PCDH20: variants seen among roughly 807,000 people sequenced by gnomAD.
The protein encoded by PCDH20 is protocadherin-20.
Under a neutral mutation model 39.7 loss-of-function variants are expected in PCDH20, and 18 were observed. That is an observed-to-expected ratio of 0.45 (90% confidence interval 0.31 to 0.67). PCDH20 has a LOEUF of 0.67. Ranked by LOEUF, PCDH20 falls within the 30% of genes least tolerant of loss-of-function variation. PCDH20 has a pLI of 0.05. For missense variants in PCDH20, 1,161 were observed against 1,167.4 expected, an observed-to-expected ratio of 0.99 and a Z score of 0.08; for synonymous variants, 495 against 455.4, an observed-to-expected ratio of 1.09 and a Z score of -1.11.
In PCDH20 at chr13:61,413,326, A is replaced by G. The variant is rs368291792; in HGVS notation, c.773T>C (p.Leu258Pro). 1.9e-6 allele frequency: 3 copies of G among 1,614,006 alleles called. No individual in the cohort carries two copies. In the African/African-American group the frequency reaches 4.0e-5, roughly 22 times the overall value. Residue 258 changes from leucine (L) to proline (P), a missense_variant, in exon 2 of 2, where the codon CTG (leucine) becomes CCG (proline). Transcript: ENST00000409204. ...CCCATTCTCATTCTCCTCCACGTCC[A>G]GGGTGAACATACCATGGTAGTCCAG...
At chr13:61,412,535 T>G in exon 2 of PCDH20, 1 of 1,614,164 alleles carries the variant, frequency 6.2e-7, no homozygotes, top group Admixed American at 1.7e-5. Flanking sequence ...AGTTGCACTT[T>G]AATGACCCTT....
At chr13:61,411,471 C>T (rs768288965) in exon 2 of PCDH20, 48 of 1,613,924 alleles carry the variant, frequency 3.0e-5, no homozygotes, top group Admixed American at 1.8e-4. Context: ...TCCTATGAGT[C>T]GGTTCTATTG....
rs61749965 is a variant in PCDH20, at chr13:61,412,090, C to A, written c.2009G>T (p.Arg670Leu). ...CACAGAGAGGGCGACCCATCCATTT[C>A]GTCCAGCGTCAGCATCTGTTACACT... is the stretch of plus-strand genomic sequence containing the variant. The change falls in exon 2 of 2, where the codon CGA (arginine) becomes CTA (leucine). Residue 670 changes from arginine to leucine, a missense_variant. Transcript: ENST00000409204. The A allele has an allele frequency of 1.9e-6, 3 of 1,614,108 alleles. No individual in the cohort carries two copies. In the East Asian group the frequency reaches 6.7e-5, roughly 36 times the overall value.
exon 2 of PCDH20, chr13:61,409,788 C>A (rs1356462412): frequency 6.6e-6 from 1 of 151,896 alleles, no homozygotes; most frequent in Non-Finnish European, 1.5e-5. Flanking sequence ...TAAAAACAAA[C>A]AAATGACAGG....
At chr13:61,412,408 C>A (rs1219622317) in exon 2 of PCDH20, 1 of 1,614,164 alleles carries the variant, frequency 6.2e-7, no homozygotes, top group Non-Finnish European at 8.5e-7. Context: ...TCTCTCCTCG[C>A]TGTCGGCATC....
intron 1 of PCDH20, 131 bp from the exon 2 acceptor site, chr13:61,414,097 G>A: frequency 1.2e-6 from 1 of 811,158 alleles, no homozygotes; most frequent in East Asian, 2.7e-5. Flanking sequence ...AATTAGAACG[G>A]GGGCGGAGAA....
exon 2 of PCDH20, chr13:61,413,549 C>A (rs1387899653): frequency 6.2e-7 from 1 of 1,613,962 alleles, no homozygotes; most frequent in Non-Finnish European, 8.5e-7. Context: ...TGAGGCAGGA[C>A]AAGCACATCC....
At chr13:61,411,001 C>CTTT (rs11423785) in exon 2 of PCDH20, 306 of 192,558 alleles carry the variant, frequency 1.6e-3, no homozygotes, top group South Asian at 2.0e-3. Flanking sequence ...CATGTCCAAG[C>CTTT]TTTTTTTTTT....
At chr13:61,412,040 T>C (rs765098943) in exon 2 of PCDH20, 2 of 1,614,176 alleles carry the variant, frequency 1.2e-6, no homozygotes, top group East Asian at 4.5e-5. Context: ...CCTGTATCTA[T>C]GACAAAAATA....
chr13:61,415,837 T>A (rs1871537473), upstream of PCDH20: 1 of 152,230 alleles, frequency 6.6e-6, no homozygotes, highest in African/African-American at 2.4e-5. Context: ...GGCTCAAATG[T>A]CTCTGGGTGT....
At chr13:61,412,386 T>C (rs145931461) in exon 2 of PCDH20, 9 of 1,614,072 alleles carry the variant, frequency 5.6e-6, no homozygotes, top group East Asian at 4.5e-5. Flanking sequence ...CCAGAAAATA[T>C]GAAACTTGGC....
exon 2 of PCDH20, chr13:61,413,155 T>C: frequency 6.2e-7 from 1 of 1,614,146 alleles, no homozygotes; most frequent in Non-Finnish European, 8.5e-7. Context: ...AGGGCAATTG[T>C]CATTAATGTC....
intron 1 of PCDH20, among the ~76,000 whole-genome samples, chr13:61,414,168 G>C (rs973817631): frequency 6.6e-6 from 1 of 151,998 alleles, no homozygotes; most frequent in East Asian, 1.9e-4. Flanking sequence ...TAATTTTGCT[G>C]TTCACTTTCT....
chr13:61,413,797 G>T (rs2138020609), exon 2 of PCDH20: 1 of 1,613,292 alleles, frequency 6.2e-7, no homozygotes, highest in Non-Finnish European at 8.5e-7. Context: ...CTGCGACTGC[G>T]GGTCCGGCCT....
exon 2 of PCDH20, chr13:61,411,900 T>C (rs376124245): frequency 2.5e-6 from 4 of 1,614,114 alleles, no homozygotes; most frequent in Non-Finnish European, 3.4e-6. Context: ...CATTGATATC[T>C]AGAAGGAGAA....
exon 2 of PCDH20, chr13:61,411,314 G>C: frequency 1.2e-6 from 2 of 1,613,890 alleles, no homozygotes; most frequent in South Asian, 2.2e-5. Context: ...AGTGGAATCT[G>C]TACTTCCAAA....
At chr13:61,414,948 G>T in intron 1 of PCDH20, 79 bp downstream of exon 1, 1 of 1,284,852 alleles carries the variant, frequency 7.8e-7, no homozygotes, top group South Asian at 2.6e-5. Context: ...TAGAAGGTTT[G>T]AAAAACCATC....
At chr13:61,414,864 T>C (rs1416092387) in intron 1 of PCDH20, among the ~76,000 whole-genome samples, 163 bp downstream of exon 1, 1 of 152,158 alleles carries the variant, frequency 6.6e-6, no homozygotes, top group African/African-American at 2.4e-5. Flanking sequence ...CTATTCCTTG[T>C]TAAAAGGAAG....
At chr13:61,413,552 G>A (rs746140704) in exon 2 of PCDH20, 2 of 1,614,100 alleles carry the variant, frequency 1.2e-6, no homozygotes, top group South Asian at 1.1e-5. Context: ...GGCAGGACAA[G>A]CACATCCAGC....
Sources: gnomAD v4.1 joint callset for allele counts (sites outside exome capture counted in the v4.1 genomes callset) on GRCh38, gnomAD v4.1.1 for gene constraint, MANE v1.5 for transcripts, NCBI Gene and HGNC (gene_info 2026-07-23, HGNC 2026-07-21) for gene names.